The following TMEM17 variants were observed in gnomAD, a reference collection of about 807,000 sequenced individuals.
TMEM17 encodes transmembrane protein 17.
A neutral mutation model predicts 19.1 loss-of-function variants in TMEM17; 15 were observed. The observed-to-expected ratio is 0.78, with a 90% CI of 0.52 to 1.21. TMEM17 has a LOEUF of 1.21. Ranked by LOEUF, TMEM17 falls within the 50% of genes most tolerant of loss-of-function variation. The pLI is 0.00. For synonymous variants in TMEM17, 103 were observed against 86.9 expected (o/e 1.19, Z -1.03); for missense variants, 245 against 242.3 (o/e 1.01, Z -0.07).
At chr2:62,473,594 G>A in the TMEM17 span, among the ~76,000 whole-genome samples, 1 of 152,180 alleles carries the variant, frequency 6.6e-6, no homozygotes, top group Non-Finnish European at 1.5e-5. Context: ...GCAGAGGATT[G>A]CAGCTTCCCC....
chr2:62,490,678 G>C, the TMEM17 span, among the ~76,000 whole-genome samples: 1 of 152,176 alleles, frequency 6.6e-6, no homozygotes, highest in East Asian at 1.9e-4. Flanking sequence ...AAGGAGTCAA[G>C]AAGTTACAAG....
At chr2:62,455,039 T>C in the TMEM17 span, among the ~76,000 whole-genome samples, 798 of 152,282 alleles carry the variant, frequency 5.2e-3, 6 homozygotes, top group African/African-American at 0.019. Context: ...AATTTGCATA[T>C]CATAAAATTC....
the TMEM17 span, among the ~76,000 whole-genome samples, chr2:62,465,146 ATAAAC>A: frequency 6.6e-6 from 1 of 152,222 alleles, no homozygotes; most frequent in African/African-American, 2.4e-5. Flanking sequence ...GAGTTAAACT[ATAAAC>A]TAAGTTCCTC....
downstream of TMEM17, among the ~76,000 whole-genome samples, chr2:62,498,507 G>C (rs1451413548): frequency 6.6e-6 from 1 of 150,890 alleles, no homozygotes; most frequent in East Asian, 1.9e-4. Context: ...ACGAGGTCAG[G>C]AGATCGAGAC....
chr2:62,490,067 T>G, the TMEM17 span, among the ~76,000 whole-genome samples: 2 of 152,122 alleles, frequency 1.3e-5, no homozygotes, highest in Non-Finnish European at 1.5e-5. Context: ...TCTCAGCTAC[T>G]CAGGAGGCTA....
At chr2:62,505,123 G>T (rs1236357376) in intron 1 of TMEM17, among the ~76,000 whole-genome samples, 2 of 152,160 alleles carry the variant, frequency 1.3e-5, no homozygotes, top group Non-Finnish European at 2.9e-5. Context: ...TTTGGGAACT[G>T]CCTTTACTTT....
At chr2:62,469,933 GAGTCCATCCCCACTCC>G in the TMEM17 span, among the ~76,000 whole-genome samples, 1 of 152,172 alleles carries the variant, frequency 6.6e-6, no homozygotes, top group Admixed American at 6.5e-5. Context: ...GTCCCTGAGA[GAGTCCATCCCCACTCC>G]AGTCCCAGGG....
At chr2:62,504,070 A>C (rs560911641) in intron 1 of TMEM17, among the ~76,000 whole-genome samples, 1 of 152,360 alleles carries the variant, frequency 6.6e-6, no homozygotes, top group South Asian at 2.1e-4. Flanking sequence ...TAAATGTCTT[A>C]AAAACATTAT....
chr2:62,487,311 A>G, the TMEM17 span, among the ~76,000 whole-genome samples: 1 of 151,574 alleles, frequency 6.6e-6, no homozygotes, highest in Non-Finnish European at 1.5e-5. Flanking sequence ...ACATCACATC[A>G]CTCTGACATT....
the TMEM17 span, among the ~76,000 whole-genome samples, chr2:62,460,589 T>A: frequency 6.6e-6 from 1 of 152,332 alleles, no homozygotes; most frequent in African/African-American, 2.4e-5. Context: ...TTTGTATTTT[T>A]AAAAAAATTT....
the TMEM17 span, among the ~76,000 whole-genome samples, chr2:62,459,834 G>A: frequency 1.3e-5 from 2 of 152,214 alleles, no homozygotes; most frequent in Non-Finnish European, 2.9e-5. Flanking sequence ...GTTCACAGGT[G>A]TGATCATAGC....
At chr2:62,494,220 A>G in the TMEM17 span, among the ~76,000 whole-genome samples, 1 of 152,244 alleles carries the variant, frequency 6.6e-6, no homozygotes, top group Non-Finnish European at 1.5e-5. Context: ...ACAAAATCAT[A>G]GCGTACTAAA....
At chr2:62,505,945 A>G in intron 1 of TMEM17, 85 bp downstream of exon 1, 1 of 1,265,384 alleles carries the variant, frequency 7.9e-7, no homozygotes, top group Non-Finnish European at 1.1e-6. Flanking sequence ...TCGCCATTTT[A>G]GGTACGGGCA....
chr2:62,497,658 C>G (rs571607416), downstream of TMEM17, among the ~76,000 whole-genome samples: 1 of 152,316 alleles, frequency 6.6e-6, no homozygotes, highest in South Asian at 2.1e-4. Context: ...GCTTATCTGC[C>G]TTTTCTACCA....
At chr2:62,482,609 G>A in the TMEM17 span, among the ~76,000 whole-genome samples, 24 of 152,238 alleles carry the variant, frequency 1.6e-4, no homozygotes, top group Admixed American at 1.3e-3. Context: ...CCATCGATAG[G>A]CCTTGACCCA....
chr2:62,461,377 C>T, the TMEM17 span, among the ~76,000 whole-genome samples: 2 of 152,170 alleles, frequency 1.3e-5, no homozygotes, highest in East Asian at 3.9e-4. Flanking sequence ...CCAGTTCAGT[C>T]CCCCCAGTCT....
the TMEM17 span, among the ~76,000 whole-genome samples, chr2:62,461,045 G>A: frequency 6.6e-6 from 1 of 152,200 alleles, no homozygotes. Context: ...CAGTGAGACA[G>A]ACTGGGACCC....
chr2:62,477,353 C>G, the TMEM17 span, among the ~76,000 whole-genome samples: 1 of 152,096 alleles, frequency 6.6e-6, no homozygotes, highest in Non-Finnish European at 1.5e-5. Context: ...GCTAGGATCG[C>G]ACCACTGTAC....
chr2:62,474,433 T>A, the TMEM17 span, among the ~76,000 whole-genome samples: 764 of 152,304 alleles, frequency 5.0e-3, 2 homozygotes, highest in African/African-American at 0.017. Flanking sequence ...TGAAGCTGCG[T>A]CTGTCTCCAG....
Sources: gnomAD v4.1 joint callset for allele counts (sites outside exome capture counted in the v4.1 genomes callset) on GRCh38, gnomAD v4.1.1 for gene constraint, MANE v1.5 for transcripts, NCBI Gene and HGNC (gene_info 2026-07-23, HGNC 2026-07-21) for gene names.